Variants in ARFGEF2 observed in about 807,000 individuals in gnomAD.
ARFGEF2 encodes brefeldin A-inhibited guanine nucleotide-exchange protein 2.
A neutral mutation model predicts 219.9 loss-of-function variants in ARFGEF2; 74 were observed. The ratio of observed to expected loss-of-function variants is 0.34; its 90% confidence interval spans 0.28 to 0.41. The LOEUF (loss-of-function observed/expected upper bound fraction) is 0.41, where lower values mean the gene tolerates loss of function less well. Among genes scored for constraint, ARFGEF2 ranks in the 10% least tolerant of loss-of-function variants. The pLI, the probability that ARFGEF2 is intolerant of heterozygous loss-of-function variation, is 1.00. For missense variants in ARFGEF2, 1,743 were observed against 2,218.3 expected, an observed-to-expected ratio of 0.79 and a Z score of 4.30; for synonymous variants, 733 against 799.2, an observed-to-expected ratio of 0.92 and a Z score of 1.40.
chr20:49,024,266 C>T (rs575004867), intron 35 of ARFGEF2, among the ~76,000 whole-genome samples: 5 of 152,218 alleles, frequency 3.3e-5, no homozygotes, highest in Non-Finnish European at 5.9e-5. Flanking sequence ...CACCACCATG[C>T]CTGGCCTACA....
At chr20:48,959,976 T>TG (rs2091135522) in intron 6 of ARFGEF2, among the ~76,000 whole-genome samples, 1 of 152,208 alleles carries the variant, frequency 6.6e-6, no homozygotes, top group African/African-American at 2.4e-5. Context: ...AAAACTGTTA[T>TG]TTTGTGAATT....
chr20:48,991,843 A>G (rs1236175528), intron 21 of ARFGEF2, among the ~76,000 whole-genome samples: 1 of 152,180 alleles, frequency 6.6e-6, no homozygotes, highest in African/African-American at 2.4e-5. Flanking sequence ...TGTGGAAAAA[A>G]AAGACAGGCA....
At chr20:48,999,608 G>A (rs1449693275) in intron 25 of ARFGEF2, among the ~76,000 whole-genome samples, 3 of 152,114 alleles carry the variant, frequency 2.0e-5, no homozygotes, top group African/African-American at 4.8e-5. Flanking sequence ...TTAGCCCGGC[G>A]TGGTGGCGAG....
intron 6 of ARFGEF2, among the ~76,000 whole-genome samples, chr20:48,959,425 CTTCTTCCT>C (rs2091126402): frequency 3.4e-5 from 4 of 119,312 alleles, no homozygotes; most frequent in Admixed American, 8.3e-5. Flanking sequence ...CCCTCCCTCC[CTTCTTCCT>C]TCCCTCCGTC....
intron 6 of ARFGEF2, among the ~76,000 whole-genome samples, chr20:48,962,416 C>G (rs187119123): frequency 7.6e-4 from 116 of 152,186 alleles, no homozygotes; most frequent in Non-Finnish European, 1.2e-4. Context: ...TCTTCCTGGA[C>G]CACTATTGTA....
At chr20:48,935,734 A>G (rs1477498150) in intron 1 of ARFGEF2, among the ~76,000 whole-genome samples, 4 of 132,244 alleles carry the variant, frequency 3.0e-5, no homozygotes, top group African/African-American at 6.0e-5. Flanking sequence ...TGACACCCCC[A>G]CCTCCCTCCC....
At chr20:48,972,755 T>A (rs889179902) in intron 11 of ARFGEF2, among the ~76,000 whole-genome samples, 3 of 152,172 alleles carry the variant, frequency 2.0e-5, no homozygotes, top group Admixed American at 1.3e-4. Flanking sequence ...TTTGATTGGG[T>A]GCTACGGTAA....
chr20:48,999,192 C>T (rs895009806), intron 25 of ARFGEF2: 5 of 423,496 alleles, frequency 1.2e-5, no homozygotes, highest in Non-Finnish European at 1.9e-5. Flanking sequence ...GAGTCGAGAT[C>T]GCACCACTGC....
intron 1 of ARFGEF2, among the ~76,000 whole-genome samples, chr20:48,922,664 C>G (rs1447740840): frequency 6.6e-6 from 1 of 152,164 alleles, no homozygotes; most frequent in Non-Finnish European, 1.5e-5. Context: ...GTGCCTGGCG[C>G]ACAGTAGGTG....
At position 49,010,291 on chromosome 20, in the gene ARFGEF2, C is replaced by T. The variant is rs752023536; in HGVS notation, c.3644C>T (p.Ala1215Val). The part of the protein sequence containing the change: ...RCIAQMVNSQ[A>V]ANIRSGWKNI... Reference sequence around the variant, plus strand: ...ATTGCCCAGATGGTGAACTCCCAGGCGGCCAACATCCGCTCAGGTTGGAAG... The same window carrying T: ...ATTGCCCAGATGGTGAACTCCCAGGTGGCCAACATCCGCTCAGGTTGGAAG... Residue 1215 changes from alanine to valine, a missense_variant, in exon 27 of 39, where the codon GCG (alanine) becomes GTG (valine). Around this residue, in one of 5 missense-constraint regions of ARFGEF2, gnomAD observed 102 missense variants for 146.8 expected, o/e 0.69. Transcript: ENST00000371917. The T allele has an allele frequency of 7.2e-5, 117 of 1,614,018 alleles. No homozygotes were observed. The highest frequency in any genetic ancestry group is 1.6e-4 in the Middle Eastern group (1 of 6,082).
chr20:48,970,350 C>A (rs1276765989), intron 9 of ARFGEF2, among the ~76,000 whole-genome samples: 1 of 151,866 alleles, frequency 6.6e-6, no homozygotes, highest in Non-Finnish European at 1.5e-5. Context: ...GTAGCTCACG[C>A]CTGTAATCCC....
intron 37 of ARFGEF2, among the ~76,000 whole-genome samples, chr20:49,029,531 A>G (rs11086277): frequency 0.11 from 16,599 of 152,256 alleles, 1,058 homozygotes; most frequent in Non-Finnish European, 0.14. Context: ...CAACTGTGGA[A>G]TGAATAACTA....
intron 6 of ARFGEF2, among the ~76,000 whole-genome samples, chr20:48,962,324 A>C (rs1252032480): frequency 6.6e-6 from 1 of 152,238 alleles, no homozygotes; most frequent in Non-Finnish European, 1.5e-5. Flanking sequence ...CATCACCACG[A>C]ATATAAGTAA....
At chr20:49,004,237 G>A (rs563388440) in intron 25 of ARFGEF2, among the ~76,000 whole-genome samples, 13 of 151,552 alleles carry the variant, frequency 8.6e-5, no homozygotes, top group African/African-American at 1.2e-4. Flanking sequence ...GGTGGCAGGC[G>A]CCTGTAATCC....
rs2091251068 is a variant in ARFGEF2 at position 48,974,860 on chromosome 20, A to G, written c.1760A>G (p.His587Arg). The G allele has an allele frequency of 1.2e-6, 2 of 1,613,014 alleles. No individual in the cohort carries two copies. The highest frequency in any genetic ancestry group is 1.3e-5 in the African/African-American group (1 of 74,842). The change falls in exon 13 of 39, where the codon CAC becomes CGC. Residue 587 changes from histidine to arginine, a missense_variant. By Grantham distance (29) the His-to-Arg change is conservative. Around this residue, in one of 5 missense-constraint regions of ARFGEF2, gnomAD observed 666 missense variants for 955.4 expected, o/e 0.70. Transcript: ENST00000371917. ...WSKDLYVNPN[H>R]QTSLGQERLT... ...AAAGACCTGTATGTGAATCCCAACC[A>G]CCAGACCAGCCTCGGTGAGACAGCA...
chr20:48,990,052 G>A (rs1210855088), intron 20 of ARFGEF2, among the ~76,000 whole-genome samples: 1 of 152,148 alleles, frequency 6.6e-6, no homozygotes, highest in Non-Finnish European at 1.5e-5. Flanking sequence ...GGTGGTACAT[G>A]CCTATAATCC....
chr20:48,966,271 A>G (rs1030780140), intron 8 of ARFGEF2, among the ~76,000 whole-genome samples: 10 of 152,178 alleles, frequency 6.6e-5, no homozygotes, highest in Non-Finnish European at 1.3e-4. Context: ...ATTTCTTGCC[A>G]CTTTTCTTCT....
At chr20:48,971,082 C>A in intron 9 of ARFGEF2, 38 bp from the exon 10 acceptor site, 2 of 1,561,504 alleles carry the variant, frequency 1.3e-6, no homozygotes, top group South Asian at 1.1e-5. Context: ...GACATTTTTT[C>A]TTTTAGCACT....
At chr20:48,929,229 C>G (rs559878082) in intron 1 of ARFGEF2, among the ~76,000 whole-genome samples, 1 of 152,270 alleles carries the variant, frequency 6.6e-6, no homozygotes, top group East Asian at 1.9e-4. Flanking sequence ...TGTTTAGTGC[C>G]TTGGGTGTAA....
Sources: allele counts gnomAD v4.1 joint callset (sites outside exome capture counted in the v4.1 genomes callset), GRCh38; gene constraint gnomAD v4.1.1; regional missense constraint gnomAD v4.1.1; transcripts MANE v1.5; gene names NCBI Gene and HGNC (gene_info 2026-07-23, HGNC 2026-07-21).